Variants in IGSF11 observed in about 807,000 individuals in gnomAD.
IGSF11 encodes the protein CXADR like 1.
IGSF11 carries 22 observed loss-of-function variants against 41.0 expected under a neutral mutation model. The ratio of observed to expected loss-of-function variants is 0.54; its 90% CI spans 0.38 to 0.77. The LOEUF is 0.77. Among genes scored for constraint, IGSF11 ranks in the 30% least tolerant of loss-of-function variants. The pLI, the probability that IGSF11 is intolerant of heterozygous loss-of-function variation, is 0.00. For synonymous variants in IGSF11, 219 were observed against 201.3 expected (o/e 1.09, Z -0.74); for missense variants, 444 against 530.8 (o/e 0.84, Z 1.61).
chr3:118,933,358 T>C (rs1019759154), intron 1 of IGSF11, among the ~76,000 whole-genome samples: 18 of 152,080 alleles, frequency 1.2e-4, no homozygotes, highest in African/African-American at 4.3e-4. Flanking sequence ...ATGAGGGCAG[T>C]ACCAGACGCT....
At chr3:119,046,518 T>C (rs1308602178) in intron 1 of IGSF11, among the ~76,000 whole-genome samples, 1 of 151,820 alleles carries the variant, frequency 6.6e-6, no homozygotes, top group East Asian at 1.9e-4. Context: ...CTATGTCTGA[T>C]TGGTGTACCT....
chr3:118,914,274 A>G (rs1233227742), intron 4 of IGSF11, among the ~76,000 whole-genome samples: 1 of 152,200 alleles, frequency 6.6e-6, no homozygotes, highest in Non-Finnish European at 1.5e-5. Context: ...GAATAGGAAC[A>G]GCTCCGGTCT....
chr3:119,057,566 C>T (rs1313544370), intron 1 of IGSF11, among the ~76,000 whole-genome samples: 4 of 152,122 alleles, frequency 2.6e-5, no homozygotes, highest in South Asian at 2.1e-4. Flanking sequence ...TTTATAGATT[C>T]AATGCCATCC....
intron 1 of IGSF11, among the ~76,000 whole-genome samples, chr3:118,974,040 C>T (rs76335657): frequency 6.6e-6 from 1 of 151,944 alleles, no homozygotes; most frequent in Non-Finnish European, 1.5e-5. Flanking sequence ...TGCAGCAAAC[C>T]ACCATGGCAT....
At chr3:119,072,930 C>T (rs886876863) in intron 1 of IGSF11, among the ~76,000 whole-genome samples, 2 of 152,134 alleles carry the variant, frequency 1.3e-5, no homozygotes, top group African/African-American at 4.8e-5. Context: ...TCCGTTTTGA[C>T]CGGGTGCTGA....
chr3:119,107,500 T>A (rs1048973620), upstream of IGSF11, among the ~76,000 whole-genome samples: 7 of 152,126 alleles, frequency 4.6e-5, no homozygotes, highest in African/African-American at 9.7e-5. Context: ...CTTTGTCAGG[T>A]GAGTAGGTTG....
chr3:118,951,788 G>C (rs888184887), intron 1 of IGSF11, among the ~76,000 whole-genome samples: 5 of 152,144 alleles, frequency 3.3e-5, no homozygotes, highest in African/African-American at 1.2e-4. Context: ...ATCATCTCTA[G>C]ATTACATACA....
chr3:118,938,701 A>C (rs1323031419), intron 1 of IGSF11, among the ~76,000 whole-genome samples: 1 of 152,224 alleles, frequency 6.6e-6, no homozygotes, highest in Non-Finnish European at 1.5e-5. Context: ...ATTGTACCAG[A>C]AATCAGCATT....
At position 118,900,732 on chromosome 3, in the gene IGSF11, G is replaced by A. The variant is rs1938751681; in HGVS notation, c.*1788C>T. ...AGCATCTGATAGCATCATCTTTTCA[G>A]TGTCATGGTATTTTCACTTTTCTTT... On this transcript the variant is annotated 3_prime_UTR_variant, in exon 7 of 7. Transcript: ENST00000393775. The A allele has an allele frequency of 6.6e-6, 1 of 152,600 alleles. No homozygotes were observed. Among genetic ancestry groups the A allele is most frequent in the African/African-American group, 2.4e-5 (1 of 41,518 alleles). The allele number at this position is 152,600 out of a possible 1,614,324, so 9.5% of individuals were successfully genotyped here. A position where few individuals can be genotyped will look rare whatever the true frequency, so the allele number is the denominator to read the frequency against.
At chr3:119,104,926 C>A (rs1217738626) in intron 1 of IGSF11, among the ~76,000 whole-genome samples, 1 of 152,112 alleles carries the variant, frequency 6.6e-6, no homozygotes, top group Non-Finnish European at 1.5e-5. Context: ...TGTCTTATTT[C>A]TTATTGAATC....
intron 1 of IGSF11, among the ~76,000 whole-genome samples, chr3:119,096,747 A>G (rs1316314111): frequency 6.6e-6 from 1 of 152,208 alleles, no homozygotes; most frequent in Admixed American, 6.5e-5. Flanking sequence ...GGAAACAAAC[A>G]ATAACACAGA....
intron 4 of IGSF11, among the ~76,000 whole-genome samples, chr3:118,921,487 G>T (rs1273784497): frequency 6.6e-6 from 1 of 152,138 alleles, no homozygotes; most frequent in Non-Finnish European, 1.5e-5. Flanking sequence ...AGAGAATAAT[G>T]ATGGTAATTT....
In IGSF11 at chr3:118,904,914, A is replaced by G. The variant is rs1372416290; in HGVS notation, c.704-116T>C. On this transcript the variant is annotated intron_variant, in intron 5 of 6. Transcript: ENST00000393775. ...AAATAATCTGCTTAAAACGTATAAA[A>G]CTCTCTAAAATCTTTCATCTATATA... is the stretch of plus-strand genomic sequence containing the variant. 1.2e-5 allele frequency: 10 copies of G among 814,952 alleles called. No individual in the cohort carries two copies. The Admixed American group carries it at 2.6e-4, about 21-fold the overall frequency. The allele number at this position is 814,952 out of a possible 1,614,324, so 50.5% of individuals were successfully genotyped here.
chr3:119,038,031 T>A (rs916096267), upstream of IGSF11, among the ~76,000 whole-genome samples: 20 of 152,174 alleles, frequency 1.3e-4, no homozygotes, highest in Admixed American at 1.2e-3. Flanking sequence ...TCATTCTGTA[T>A]ATATTTTAAC....
chr3:119,069,743 A>G (rs1173842539), intron 1 of IGSF11, among the ~76,000 whole-genome samples: 1 of 152,216 alleles, frequency 6.6e-6, no homozygotes, highest in Non-Finnish European at 1.5e-5. Flanking sequence ...ACTTGCCACC[A>G]ATTAAAAAGG....
chr3:119,073,747 C>A (rs1428561507), intron 1 of IGSF11, among the ~76,000 whole-genome samples: 2 of 152,184 alleles, frequency 1.3e-5, no homozygotes, highest in African/African-American at 4.8e-5. Flanking sequence ...GGCCTGTGAG[C>A]ACTGCACACA....
chr3:119,056,299 G>A (rs759051807), intron 1 of IGSF11, among the ~76,000 whole-genome samples: 5 of 152,114 alleles, frequency 3.3e-5, no homozygotes, highest in African/African-American at 4.8e-5. Flanking sequence ...TATCACCATC[G>A]ATTACACAGA....
At chr3:119,128,349 GAAAGAAAGA>G (rs1461742663) in intron 1 of IGSF11, among the ~76,000 whole-genome samples, 3 of 150,274 alleles carry the variant, frequency 2.0e-5, no homozygotes, top group Non-Finnish European at 4.4e-5. Flanking sequence ...GAGTGAGAAA[GAAAGAAAGA>G]AAAGAAAGAA....
Position 119,020,219 on chromosome 3 carries a change from T to C in IGSF11, c.52+14312A>G, listed in dbSNP as rs139906332. On this transcript the variant is annotated intron_variant, in intron 1 of 6. Coordinates refer to ENST00000393775, the MANE Select transcript of IGSF11 (RefSeq NM_001015887.3). ...ATCTTGAAATCCCTGCACAGACCTC[T>C]ACATTATAACATAGGCCTCTATCAA... Among the ~76,000 whole-genome samples, 216 of 152,284 alleles carry C rather than the reference T, an allele frequency of 1.4e-3. 1 individual carries two copies. Among genetic ancestry groups the C allele is most frequent in the African/African-American group, 4.7e-3 (195 of 41,554 alleles).
Sources: allele counts gnomAD v4.1 joint callset (sites outside exome capture counted in the v4.1 genomes callset), GRCh38; gene constraint gnomAD v4.1.1; transcripts MANE v1.5; gene names NCBI Gene and HGNC (gene_info 2026-07-23, HGNC 2026-07-21).